The following RPS6KA5 variants were observed in gnomAD, a reference collection of about 807,000 sequenced individuals.
The protein encoded by RPS6KA5 is ribosomal protein S6 kinase A5.
In RPS6KA5, 27 loss-of-function variants were observed where a neutral mutation model predicts 85.5. The observed-to-expected ratio is 0.32, with a 90% CI of 0.23 to 0.44. The LOEUF (loss-of-function observed/expected upper bound fraction) is 0.44. Ranked by LOEUF, RPS6KA5 falls within the 20% of genes least tolerant of loss-of-function variation. The pLI is 1.00. For missense variants in RPS6KA5, 811 were observed against 980.9 expected (o/e 0.83, Z 2.31); for synonymous variants, 334 against 348.2 (o/e 0.96, Z 0.46).
At chr14:91,043,465 T>A (rs2042676001) in intron 1 of RPS6KA5, among the ~76,000 whole-genome samples, 1 of 152,174 alleles carries the variant, frequency 6.6e-6, no homozygotes, top group Non-Finnish European at 1.5e-5. Context: ...CTGCTTCAGT[T>A]TCACAACCGA....
chr14:91,030,169 C>T (rs945379079), intron 1 of RPS6KA5, among the ~76,000 whole-genome samples: 6 of 152,072 alleles, frequency 3.9e-5, no homozygotes, highest in African/African-American at 1.4e-4. Flanking sequence ...ATAAAGAATG[C>T]AAACAGGGGA....
At chr14:90,956,846 T>A (rs995734918) in intron 3 of RPS6KA5, among the ~76,000 whole-genome samples, 4 of 151,958 alleles carry the variant, frequency 2.6e-5, no homozygotes, top group Non-Finnish European at 5.9e-5. Context: ...CAACTACATA[T>A]GTTGAAAACC....
intron 1 of RPS6KA5, among the ~76,000 whole-genome samples, chr14:91,016,349 ATTTT>A (rs1021965286): frequency 6.6e-5 from 10 of 152,152 alleles, no homozygotes; most frequent in Middle Eastern, 6.8e-3. Context: ...TGGTCAATTA[ATTTT>A]TTTAATTTTA....
chr14:91,032,953 C>T (rs941645673), intron 1 of RPS6KA5, among the ~76,000 whole-genome samples: 11 of 151,652 alleles, frequency 7.3e-5, no homozygotes, highest in Admixed American at 2.6e-4. Flanking sequence ...GTGGGCAGAT[C>T]GAGGTCAGGA....
In RPS6KA5 at chr14:90,899,273, C is replaced by G. The variant is rs1412267385; in HGVS notation, c.1473+56G>C. On this transcript the variant is annotated intron_variant, in intron 12 of 16. Transcript: ENST00000614987. ...GCACCAACAAAACGCGTGAAAAGTA[C>G]AACCCTGTAAGTGAATTAGTACACA... The G allele has an allele frequency of 5.0e-6, 6 of 1,205,812 alleles. No homozygotes were observed. The East Asian group carries it at 1.2e-4, about 24-fold the overall frequency. 74.7% of individuals were successfully genotyped at this position (1,205,812 alleles called of 1,614,324 possible).
intron 1 of RPS6KA5, among the ~76,000 whole-genome samples, chr14:91,029,820 A>G (rs193118387): frequency 2.0e-5 from 3 of 152,344 alleles, no homozygotes; most frequent in African/African-American, 7.2e-5. Context: ...ATATATGTAC[A>G]TTATATTGCT....
intron 2 of RPS6KA5, among the ~76,000 whole-genome samples, chr14:90,989,540 T>A (rs796381274): frequency 1.3e-4 from 20 of 152,366 alleles, no homozygotes; most frequent in African/African-American, 4.8e-4. Flanking sequence ...GAGACCTTCA[T>A]GCTGCACTTC....
intron 8 of RPS6KA5, among the ~76,000 whole-genome samples, chr14:90,904,006 G>T (rs1176505114): frequency 1.3e-5 from 2 of 151,744 alleles, no homozygotes; most frequent in Non-Finnish European, 2.9e-5. Flanking sequence ...GAGGGCAGTG[G>T]CGCGATCTCG....
intron 2 of RPS6KA5, among the ~76,000 whole-genome samples, chr14:90,997,786 A>G (rs2040592623): frequency 1.3e-5 from 2 of 152,086 alleles, no homozygotes; most frequent in Non-Finnish European, 2.9e-5. Context: ...CAAGGCGGGC[A>G]GATCGCCTGA....
chr14:90,938,043 T>G (rs2037369032), intron 5 of RPS6KA5, among the ~76,000 whole-genome samples: 1 of 152,166 alleles, frequency 6.6e-6, no homozygotes. Context: ...CTTCCACCTA[T>G]GAGCCTCTAA....
chr14:90,871,317 T>G lies in RPS6KA5; in HGVS notation c.*757A>C, dbSNP rs1490835266. The stretch of plus-strand genomic sequence containing the variant: ...ATAGTTTGCTTTATTCATACTTTTT[T>G]ATAAAGTGCAATATTACTTAAAACA... On this transcript the variant is annotated 3_prime_UTR_variant, in exon 17 of 17. Coordinates refer to ENST00000614987, the MANE Select transcript of RPS6KA5 (RefSeq NM_004755.4). 1 of 152,590 alleles carries G rather than the reference T, an allele frequency of 6.6e-6. No individual in the cohort carries two copies. Among genetic ancestry groups the G allele is most frequent in the Admixed American group, 6.5e-5 (1 of 15,286 alleles). 9.5% of individuals were successfully genotyped at this position (152,590 alleles called of 1,614,324 possible). A position where few individuals can be genotyped will look rare whatever the true frequency, so the allele number is the denominator to read the frequency against.
chr14:90,911,079 C>T (rs1441190541), intron 7 of RPS6KA5, among the ~76,000 whole-genome samples: 1 of 152,146 alleles, frequency 6.6e-6, no homozygotes, highest in Non-Finnish European at 1.5e-5. Context: ...TACCCCCATA[C>T]TCCTTATCCC....
chr14:91,030,064 T>C (rs559079160), intron 1 of RPS6KA5, among the ~76,000 whole-genome samples: 4 of 152,286 alleles, frequency 2.6e-5, no homozygotes, highest in Non-Finnish European at 4.4e-5. Flanking sequence ...AAACTGTTCA[T>C]GTGAGCAAGC....
chr14:90,907,609 T>C (rs141229374), intron 7 of RPS6KA5, among the ~76,000 whole-genome samples: 2 of 152,326 alleles, frequency 1.3e-5, no homozygotes, highest in East Asian at 3.9e-4. Flanking sequence ...TGTAATTTTT[T>C]ACAAAAGATT....
chr14:90,994,449 T>C (rs945945480), intron 2 of RPS6KA5, among the ~76,000 whole-genome samples: 2 of 151,982 alleles, frequency 1.3e-5, no homozygotes, highest in African/African-American at 2.4e-5. Flanking sequence ...ATTAAAAACA[T>C]ACACATTTAT....
intron 3 of RPS6KA5, among the ~76,000 whole-genome samples, chr14:90,955,359 C>G (rs761839240): frequency 1.3e-5 from 2 of 152,180 alleles, no homozygotes; most frequent in Non-Finnish European, 2.9e-5. Flanking sequence ...CTTCTAACTT[C>G]TGAGCTCAAG....
chr14:90,919,848 TCA>T (rs1245238870), intron 7 of RPS6KA5, among the ~76,000 whole-genome samples: 2 of 152,122 alleles, frequency 1.3e-5, no homozygotes, highest in East Asian at 3.8e-4. Context: ...CATGTTAAAG[TCA>T]CAAAGAAATA....
intron 3 of RPS6KA5, among the ~76,000 whole-genome samples, chr14:90,958,997 A>G (rs2140412839): frequency 6.6e-6 from 1 of 152,040 alleles, no homozygotes; most frequent in South Asian, 2.1e-4. Flanking sequence ...TTGAGGAAAG[A>G]CTGTTCCAAG....
rs2031893027 is a variant in RPS6KA5 at position 90,849,691 on chromosome 14, G to C, written c.*22383C>G. On this transcript the variant is annotated 3_prime_UTR_variant, in exon 17 of 17. Coordinates refer to ENST00000614987, the MANE Select transcript of RPS6KA5 (RefSeq NM_004755.4). ...TGGTGGGGAGGCAGAGAGAGAGAAA[G>C]GAAAGGCCAAAAGGAAAGTTAAAGG... The C allele has an allele frequency of 6.6e-6, 1 of 152,308 alleles. No individual in the cohort carries two copies. Among genetic ancestry groups the C allele is most frequent in the South Asian group, 2.1e-4 (1 of 4,826 alleles). 9.4% of individuals were successfully genotyped at this position (152,308 alleles called of 1,614,324 possible).
Sources: gnomAD v4.1 joint callset for allele counts (sites outside exome capture counted in the v4.1 genomes callset) on GRCh38, gnomAD v4.1.1 for gene constraint, MANE v1.5 for transcripts, NCBI Gene and HGNC (gene_info 2026-07-23, HGNC 2026-07-21) for gene names.